COG3: variants seen among roughly 807,000 people sequenced by gnomAD.
COG3 encodes conserved oligomeric Golgi complex subunit 3.
Under a neutral mutation model 114.1 loss-of-function variants are expected in COG3, and 32 were observed. That is an observed-to-expected ratio of 0.28 (90% CI 0.21 to 0.38). COG3 has a LOEUF of 0.38. Among genes scored for constraint, COG3 ranks in the 10% least tolerant of loss-of-function variants. The pLI, the probability that COG3 is intolerant of heterozygous loss-of-function variation, is 1.00. For missense variants in COG3, 813 were observed against 973.2 expected, an observed-to-expected ratio of 0.84 and a Z score of 2.19; for synonymous variants, 352 against 365.7, an observed-to-expected ratio of 0.96 and a Z score of 0.43.
At chr13:45,497,138 G>A (rs188193934) in intron 13 of COG3, among the ~76,000 whole-genome samples, 2 of 152,284 alleles carry the variant, frequency 1.3e-5, no homozygotes, top group Admixed American at 6.5e-5. Flanking sequence ...TGATGTAACC[G>A]TGTGTCATGC....
chr13:45,513,420 A>G (rs1307921516), intron 16 of COG3, among the ~76,000 whole-genome samples: 2 of 101,276 alleles, frequency 2.0e-5, no homozygotes, highest in Non-Finnish European at 3.6e-5. Flanking sequence ...ATACATATAA[A>G]TTATATATAT....
Position 45,525,065 on chromosome 13 carries a change from A to C in COG3, c.2230+14A>C. 6.2e-7 allele frequency: 1 copy of C among 1,608,268 alleles called. No homozygotes were observed. Among genetic ancestry groups the C allele is most frequent in the Non-Finnish European group, 8.5e-7 (1 of 1,175,474 alleles). On this transcript the variant is annotated intron_variant, in intron 20 of 22. Transcript: ENST00000349995. Reference sequence around the variant, plus strand: ...GGGCACAACCAGGTATTCTGATTTGACCATTTTGGATTTCTTTTTTAGGAT... The same window carrying C: ...GGGCACAACCAGGTATTCTGATTTGCCCATTTTGGATTTCTTTTTTAGGAT...
chr13:45,507,550 C>CTTGA (rs1870299697), intron 14 of COG3, among the ~76,000 whole-genome samples: 1 of 151,440 alleles, frequency 6.6e-6, no homozygotes, highest in African/African-American at 2.4e-5. Context: ...AGATCACCCA[C>CTTGA]GGTCAGGAGT....
chr13:45,486,622 C>T (rs751645515), intron 8 of COG3, 47 bp downstream of exon 8: 6 of 1,147,412 alleles, frequency 5.2e-6, no homozygotes, highest in African/African-American at 3.1e-5. Context: ...ATTTGTTCAT[C>T]TGCCCTTTTG....
rs557906555 is a variant in COG3 at position 45,524,301 on chromosome 13, CCCATAGCTCCA to C, written c.2155-671_2155-661del. ...TCTCTCTCTTACCCTCCCCAGCTAC[CCCATAGCTCCA>C]CCACAGCTTACTGTCTTAGAAACAG... On this transcript the variant is annotated intron_variant, in intron 19 of 22. Transcript: ENST00000349995. Among the ~76,000 whole-genome samples the C allele has an allele frequency of 1.5e-3, 221 of 152,286 alleles. 2 individuals are homozygous for C. The highest frequency in any genetic ancestry group is 4.5e-3 in the African/African-American group (187 of 41,564).
At chr13:45,524,608 T>C (rs547716281) in intron 19 of COG3, among the ~76,000 whole-genome samples, 7 of 152,316 alleles carry the variant, frequency 4.6e-5, no homozygotes, top group African/African-American at 1.7e-4. Context: ...ACAAAAATAA[T>C]TTAATATTGA....
At chr13:45,486,339 C>T (rs1340602684) in intron 7 of COG3, among the ~76,000 whole-genome samples, 156 bp from the exon 8 acceptor site, 1 of 55,214 alleles carries the variant, frequency 1.8e-5, no homozygotes, top group African/African-American at 1.5e-4. Flanking sequence ...AGACGGGAGA[C>T]GGGAGAGGGA....
At chr13:45,478,426 G>C (rs559985541) in intron 2 of COG3, among the ~76,000 whole-genome samples, 1 of 151,040 alleles carries the variant, frequency 6.6e-6, no homozygotes, top group Non-Finnish European at 1.5e-5. Context: ...TGATCCGCTC[G>C]CCTCGGCCTC....
intron 13 of COG3, among the ~76,000 whole-genome samples, chr13:45,497,521 T>C (rs1868940717): frequency 6.6e-6 from 1 of 152,092 alleles, no homozygotes; most frequent in African/African-American, 2.4e-5. Context: ...TGGTGGCTCA[T>C]GCCTGTAATC....
rs767878227 is a variant in COG3 at position 45,483,233 on chromosome 13, A to T, written c.721A>T (p.Asn241Tyr). Residue 241 changes from asparagine to tyrosine, a missense_variant, in exon 7 of 23, where the codon AAT becomes TAT. Physicochemically the swap from Asn to Tyr is moderately radical, Grantham distance 143 (BLOSUM62 -2). Transcript: ENST00000349995. Reference protein sequence around the residue: ...DCITYISSHPNFKDYPIYLLK... With the variant: ...DCITYISSHPYFKDYPIYLLK... Reference sequence around the variant, plus strand: ...AATCTTTCTCTTTTCCTTACAGCCTAATTTTAAAGATTATCCCATATATTT... The same window carrying T: ...AATCTTTCTCTTTTCCTTACAGCCTTATTTTAAAGATTATCCCATATATTT... 6.3e-7 allele frequency: 1 copy of T among 1,581,510 alleles called. No individual in the cohort carries two copies. Among genetic ancestry groups the T allele is most frequent in the South Asian group, 1.1e-5 (1 of 88,160 alleles).
At chr13:45,526,076 ATTTTTTTTTTTTTTTTT>A (rs386379016) in intron 20 of COG3, among the ~76,000 whole-genome samples, 4 of 56,572 alleles carry the variant, frequency 7.1e-5, no homozygotes, top group Non-Finnish European at 9.1e-5. Flanking sequence ...CAAAATTTTA[ATTTTTTTTTTTTTTTTT>A]TTTTTTTTTT....
chr13:45,488,478 A>G (rs1368178674), intron 8 of COG3, among the ~76,000 whole-genome samples: 1 of 152,214 alleles, frequency 6.6e-6, no homozygotes, highest in East Asian at 1.9e-4. Context: ...AAAATATCAC[A>G]TGTACCCCAT....
Position 45,534,823 on chromosome 13 carries a change from G to GATAC in COG3, c.*92_*93insATAC. On this transcript the variant is annotated 3_prime_UTR_variant, in exon 23 of 23. Coordinates refer to ENST00000349995, the MANE Select transcript of COG3 (RefSeq NM_031431.4). ...TGCAGGACACCGAGGAATCGTATGTGGGAACGTCCCCGAGAACCACACGAG... is the reference window on the plus strand; with the variant it reads ...TGCAGGACACCGAGGAATCGTATGTGATACGGAACGTCCCCGAGAACCACACGAG... The GATAC allele has an allele frequency of 2.8e-6, 4 of 1,414,484 alleles. No individual in the cohort carries two copies. Among genetic ancestry groups the GATAC allele is most frequent in the South Asian group, 1.6e-5 (1 of 61,690 alleles). 87.6% of individuals were successfully genotyped at this position (1,414,484 alleles called of 1,614,324 possible). A position where few individuals can be genotyped will look rare whatever the true frequency, so the allele number is the denominator to read the frequency against.
chr13:45,519,712 G>C (rs1027316551), intron 19 of COG3, among the ~76,000 whole-genome samples: 4 of 152,056 alleles, frequency 2.6e-5, no homozygotes, highest in Non-Finnish European at 5.9e-5. Context: ...AATGTTGAAC[G>C]TTGAAGGAAC....
chr13:45,516,801 G>A (rs746164008), intron 17 of COG3, among the ~76,000 whole-genome samples: 6 of 152,230 alleles, frequency 3.9e-5, no homozygotes, highest in Non-Finnish European at 7.4e-5. Context: ...AACTTGTCAT[G>A]ATACCTTCAC....
In COG3 at chr13:45,476,295, A is replaced by G. The variant is rs1885858061; in HGVS notation, c.269A>G (p.Lys90Arg). The change falls in exon 2 of 23, where the codon AAG becomes AGG. Residue 90 changes from lysine to arginine, a missense_variant. By Grantham distance (26) the Lys-to-Arg change is conservative. Coordinates refer to ENST00000349995, the MANE Select transcript of COG3 (RefSeq NM_031431.4). ...GAATCTACAGAAGACATTCTCTTGA[A>G]GGGCTTCACTTCCTTAGGAATGGAA... ...VPESTEDILL[K>R]GFTSLGMEEE... 6.2e-7 allele frequency: 1 copy of G among 1,613,972 alleles called. No individual in the cohort carries two copies. The highest frequency in any genetic ancestry group is 8.5e-7 in the Non-Finnish European group (1 of 1,179,980).
intron 16 of COG3, among the ~76,000 whole-genome samples, chr13:45,514,400 A>G (rs1871314646): frequency 1.3e-5 from 2 of 152,030 alleles, no homozygotes; most frequent in South Asian, 4.1e-4. Flanking sequence ...ACCTCAAGTG[A>G]TCCACCCGCC....
intron 13 of COG3, among the ~76,000 whole-genome samples, chr13:45,502,272 G>T (rs1869621282): frequency 6.6e-6 from 1 of 152,154 alleles, no homozygotes; most frequent in Non-Finnish European, 1.5e-5. Flanking sequence ...TTATAGATAA[G>T]AATGCCTGTT....
Position 45,530,701 on chromosome 13 carries a change from T to G in COG3, c.2378T>G (p.Phe793Cys). 1 of 1,609,108 alleles carries G rather than the reference T, an allele frequency of 6.2e-7. No individual in the cohort carries two copies. The highest frequency in any genetic ancestry group is 8.5e-7 in the Non-Finnish European group (1 of 1,175,556). The part of the protein sequence containing the change: ...KPVRNNIQQV[F>C]QKFHALLKEE... ...TCTAAGAATAATATTCAGCAAGTCT[T>G]CCAGAAGTTCCACGCTCTGTTAAAG... Residue 793 changes from phenylalanine (F) to cysteine (C), a missense_variant, in exon 22 of 23, where the codon TTC (phenylalanine) becomes TGC (cysteine). Phe to Cys is a radical substitution (Grantham distance 205). Around this residue, in one of 2 missense-constraint regions of COG3, gnomAD observed 389 missense variants for 542.6 expected, o/e 0.72. Coordinates refer to ENST00000349995, the MANE Select transcript of COG3 (RefSeq NM_031431.4).
Sources: allele counts gnomAD v4.1 joint callset (sites outside exome capture counted in the v4.1 genomes callset), GRCh38; gene constraint gnomAD v4.1.1; regional missense constraint gnomAD v4.1.1; transcripts MANE v1.5; gene names NCBI Gene and HGNC (gene_info 2026-07-23, HGNC 2026-07-21).